Variants in ZNF394 observed in about 807,000 individuals in gnomAD.
The protein encoded by ZNF394 is zinc finger protein 394, also known as zinc finger protein 99.
ZNF394 carries 19 observed loss-of-function variants against 21.8 expected under a neutral mutation model. The observed-to-expected ratio is 0.87, with a 90% confidence interval of 0.61 to 1.28. The LOEUF is 1.28. Ranked by LOEUF, ZNF394 falls within the 50% of genes most tolerant of loss-of-function variation. The probability of loss-of-function intolerance (pLI) is 0.00; values close to 1 mark genes in which losing one functional copy is unlikely to be tolerated. For missense variants in ZNF394, 683 were observed against 708.6 expected, an observed-to-expected ratio of 0.96 and a Z score of 0.41; for synonymous variants, 294 against 273.3, an observed-to-expected ratio of 1.08 and a Z score of -0.75.
chr7:99,491,771 C>CAAAAAAAAAAAAAA (rs768073826), downstream of ZNF394, among the ~76,000 whole-genome samples: 1 of 34,976 alleles, frequency 2.9e-5, no homozygotes, highest in Non-Finnish European at 5.5e-5. Context: ...GAATCTGTCT[C>CAAAAAAAAAAAAAA]AAAAAAAAAA....
chr7:99,494,342 C>T lies in ZNF394; in HGVS notation c.873G>A (p.Arg291=). ...SKNNELQNSA[R]CSNLVLCQHI... Reference sequence around the variant, plus strand: ...GCTGACATAGAACAAGGTTGGAACACCTGGCACTGTTCTGCAATTCATTAT... The same window carrying T: ...GCTGACATAGAACAAGGTTGGAACATCTGGCACTGTTCTGCAATTCATTAT... Residue 291 remains arginine (R), a synonymous_variant, in exon 3 of 3, where the codon AGG becomes AGA. Coordinates refer to ENST00000337673, the MANE Select transcript of ZNF394 (RefSeq NM_032164.4). The T allele has an allele frequency of 6.2e-7, 1 of 1,614,228 alleles. No homozygotes were observed. The highest frequency in any genetic ancestry group is 8.5e-7 in the Non-Finnish European group (1 of 1,180,044).
chr7:99,487,886 C>A (rs927221826), intron 1 of ZNF394, among the ~76,000 whole-genome samples: 2 of 150,344 alleles, frequency 1.3e-5, no homozygotes, highest in Admixed American at 6.6e-5. Context: ...TCCTGGCTAA[C>A]ACAGTGAAAC....
At chr7:99,498,935 A>G (rs1408784416) in intron 1 of ZNF394, 93 bp from the exon 2 acceptor site, 19 of 1,454,568 alleles carry the variant, frequency 1.3e-5, no homozygotes, top group Non-Finnish European at 2.8e-6. Context: ...GAGTTTGGAG[A>G]GATCAGAGAT....
chr7:99,488,877 G>A (rs1276995729), downstream of ZNF394, among the ~76,000 whole-genome samples: 1 of 146,772 alleles, frequency 6.8e-6, no homozygotes. Flanking sequence ...GTTGCAGTGA[G>A]CTGAGATTGC....
At chr7:99,488,933 A>C (rs1490444829), downstream of ZNF394, among the ~76,000 whole-genome samples, 2 of 149,524 alleles carry the variant, frequency 1.3e-5, no homozygotes, top group Admixed American at 6.7e-5. Flanking sequence ...TCCATCTCAA[A>C]AAAAAAAAAA....
chr7:99,492,325 T>C (rs1306448838), downstream of ZNF394, among the ~76,000 whole-genome samples: 3 of 151,934 alleles, frequency 2.0e-5, no homozygotes, highest in Non-Finnish European at 4.4e-5. Flanking sequence ...TTAATAATTG[T>C]AGTGAGCAAG....
Position 99,499,689 on chromosome 7 carries a change from C to T in ZNF394, c.405G>A (p.Ala135=), listed in dbSNP as rs758291752. The change falls in exon 1 of 3, where the codon GCG becomes GCA. Residue 135 remains alanine (A), a synonymous_variant. Coordinates refer to ENST00000337673, the MANE Select transcript of ZNF394 (RefSeq NM_032164.4). ...GCTGCAGAGCCCGCACCACGGCCAC[C>T]GCCTCCTCCCCGCTCTCTGGGCAGT... ...REHCPESGEE[A]VAVVRALQRA... 1.9e-5 allele frequency: 31 copies of T among 1,611,478 alleles called. No homozygotes were observed. Among genetic ancestry groups the T allele is most frequent in the Middle Eastern group, 1.6e-4 (1 of 6,080 alleles).
In ZNF394 at chr7:99,499,816, A is replaced by T; in HGVS notation, c.278T>A (p.Leu93Gln). 3.1e-6 allele frequency: 5 copies of T among 1,614,128 alleles called. No individual in the cohort carries two copies. Among genetic ancestry groups the T allele is most frequent in the Non-Finnish European group, 4.2e-6 (5 of 1,180,028 alleles). Residue 93 changes from leucine (L) to glutamine (Q), a missense_variant, in exon 1 of 3, where the codon CTG becomes CAG. By Grantham distance (113) the Leu-to-Gln change is moderately radical. Around this residue, in one of 3 missense-constraint regions of ZNF394, gnomAD observed 402 missense variants for 373.8 expected, o/e 1.08. Transcript: ENST00000337673. Reference sequence around the variant, plus strand: ...CTCCTTGGAGAGCAGCTCGGGTCTCAGCCACCGACGACAGAGTTCTCGGAG... The same window carrying T: ...CTCCTTGGAGAGCAGCTCGGGTCTCTGCCACCGACGACAGAGTTCTCGGAG... ...SRLRELCRRW[L>Q]RPELLSKEQI...
Position 99,500,119 on chromosome 7 carries a change from C to T in ZNF394, c.-26G>A, listed in dbSNP as rs1472671170. On this transcript the variant is annotated 5_prime_UTR_variant, in exon 1 of 3. Transcript: ENST00000337673. ...CTTTCTCCGGCATGTGCTGCCCTTCCTGGAGTCTTCTTTTCAGGTGAAGAA... is the reference window on the plus strand; with the variant it reads ...CTTTCTCCGGCATGTGCTGCCCTTCTTGGAGTCTTCTTTTCAGGTGAAGAA... The T allele has an allele frequency of 2.0e-6, 3 of 1,514,230 alleles. No individual in the cohort carries two copies. In the Admixed American group the frequency reaches 6.5e-5, roughly 33 times the overall value. The allele number at this position is 1,514,230 out of a possible 1,614,324, so 93.8% of individuals were successfully genotyped here.
At position 99,494,351 on chromosome 7, in the gene ZNF394, G is replaced by A. The variant is rs758658692; in HGVS notation, c.864C>T (p.Asn288=). 1 of 1,614,210 alleles carries A rather than the reference G, an allele frequency of 6.2e-7. No individual in the cohort carries two copies. The highest frequency in any genetic ancestry group is 1.7e-5 in the Admixed American group (1 of 60,008). Residue 288 remains asparagine, a synonymous_variant, in exon 3 of 3, where the codon AAC becomes AAT. Transcript: ENST00000337673. ...GAACAAGGTTGGAACACCTGGCACT[G>A]TTCTGCAATTCATTATTTTTAGAGT... ...GEDSKNNELQ[N]SARCSNLVLC...
chr7:99,494,536 C>G lies in ZNF394; in HGVS notation c.679G>C (p.Gly227Arg), dbSNP rs1461123305. Residue 227 changes from glycine (G) to arginine (R), a missense_variant, in exon 3 of 3, where the codon GGG becomes CGG. Gly to Arg is a moderately radical substitution (Grantham distance 125). Transcript: ENST00000337673. The stretch of plus-strand genomic sequence containing the variant: ...CACTTAGAAAACAGGGGGCGCTTCC[C>G]CTGGAACGCTTCTTGTAGTTGCCCC... ...PQGQLQEAFQ[G>R]KRPLFSKCGS... 2 of 1,613,558 alleles carry G rather than the reference C, an allele frequency of 1.2e-6. No homozygotes were observed. The highest frequency in any genetic ancestry group is 1.7e-6 in the Non-Finnish European group (2 of 1,180,022).
At chr7:99,496,100 T>TTAGTAGGTATTTTAGTAGGTATTA (rs1195404188) in intron 2 of ZNF394, among the ~76,000 whole-genome samples, 4 of 152,060 alleles carry the variant, frequency 2.6e-5, no homozygotes, top group South Asian at 2.1e-4. Context: ...TTTTGTATTT[T>TTAGTAGGTATTTTAGTAGGTATTA]TAGTAGGTAT....
At position 99,493,692 on chromosome 7, in the gene ZNF394, T is replaced by C. The variant is rs768365720; in HGVS notation, c.1523A>G (p.Gln508Arg). The change falls in exon 3 of 3, where the codon CAG becomes CGG. Residue 508 changes from glutamine (Q) to arginine (R), a missense_variant. By Grantham distance (43) the Gln-to-Arg change is conservative (BLOSUM62 1). This residue lies in a region of ZNF394 where 274 missense variants were observed against 314.1 expected (regional missense o/e 0.87). Coordinates refer to ENST00000337673, the MANE Select transcript of ZNF394 (RefSeq NM_032164.4). ...CTGGTGTTTAATGAGGGTTGCACTC[T>C]GATTGAAGCGTTTCCCACAGACGGA... Reference protein sequence around the residue: ...GCSVCGKRFNQSATLIKHQRI... With the variant: ...GCSVCGKRFNRSATLIKHQRI... 1.9e-6 allele frequency: 3 copies of C among 1,614,214 alleles called. No homozygotes were observed. Among genetic ancestry groups the C allele is most frequent in the East Asian group, 4.5e-5 (2 of 44,888 alleles).
chr7:99,489,636 C>T (rs968067512), downstream of ZNF394, among the ~76,000 whole-genome samples: 2 of 152,144 alleles, frequency 1.3e-5, no homozygotes, highest in Non-Finnish European at 2.9e-5. Flanking sequence ...TGCAACCTCT[C>T]CCCAACAAAT....
At chr7:99,490,130 C>A (rs910230758), downstream of ZNF394, among the ~76,000 whole-genome samples, 1 of 148,284 alleles carries the variant, frequency 6.7e-6, no homozygotes, top group Non-Finnish European at 1.5e-5. Flanking sequence ...GCCTGGCCAA[C>A]ATGGCAAAAC....
At position 99,498,721 on chromosome 7, in the gene ZNF394, G is replaced by C; in HGVS notation, c.578C>G (p.Pro193Arg). ...AGCAGAGCAACAGCACTCACTCGGCGGAACTGTGCTCCCGGAATCCTTCTG... is the reference window on the plus strand; with the variant it reads ...AGCAGAGCAACAGCACTCACTCGGCCGAACTGTGCTCCCGGAATCCTTCTG... ...SAQKDSGSTV[P>R]PSLESRVENK... Residue 193 changes from proline (P) to arginine (R), a missense_variant, in exon 2 of 3, where the codon CCG (proline) becomes CGG (arginine). Transcript: ENST00000337673. 6.2e-7 allele frequency: 1 copy of C among 1,613,946 alleles called. No individual in the cohort carries two copies. Among genetic ancestry groups the C allele is most frequent in the Non-Finnish European group, 8.5e-7 (1 of 1,179,950 alleles).
At chr7:99,496,307 C>T (rs916926355) in intron 2 of ZNF394, among the ~76,000 whole-genome samples, 5 of 151,146 alleles carry the variant, frequency 3.3e-5, no homozygotes, top group Admixed American at 2.6e-4. Flanking sequence ...TGAGCTACCT[C>T]GGTCTCCCAA....
intron 2 of ZNF394, among the ~76,000 whole-genome samples, chr7:99,497,184 G>A (rs769834001): frequency 1.1e-4 from 14 of 132,538 alleles, no homozygotes; most frequent in African/African-American, 3.7e-4. Context: ...TTTTTGAGAC[G>A]GAGTCTTGCT....
chr7:99,488,815 C>A (rs928558383), downstream of ZNF394, among the ~76,000 whole-genome samples: 1 of 150,674 alleles, frequency 6.6e-6, no homozygotes, highest in Non-Finnish European at 1.5e-5. Context: ...ATAATCCCAG[C>A]TGCTTGGGAG....
Sources: allele counts gnomAD v4.1 joint callset (sites outside exome capture counted in the v4.1 genomes callset), GRCh38; gene constraint gnomAD v4.1.1; regional missense constraint gnomAD v4.1.1; transcripts MANE v1.5; gene names NCBI Gene and HGNC (gene_info 2026-07-23, HGNC 2026-07-21).